Variants in MYO16 observed in about 807,000 individuals in gnomAD.
MYO16 encodes unconventional myosin-XVI.
A neutral mutation model predicts 205.3 loss-of-function variants in MYO16; 94 were observed. The ratio of observed to expected loss-of-function variants is 0.46; its 90% CI spans 0.39 to 0.54. The LOEUF (loss-of-function observed/expected upper bound fraction) is 0.54, where lower values mean the gene tolerates loss of function less well. MYO16 is among the 20% of genes least tolerant of loss of function. The pLI is 0.00. For missense variants in MYO16, 2,315 were observed against 2,387.5 expected (o/e 0.97, Z 0.63); for synonymous variants, 988 against 954.0 (o/e 1.04, Z -0.66).
intron 32 of MYO16, among the ~76,000 whole-genome samples, chr13:109,164,262 G>A (rs1174191501): frequency 2.0e-5 from 3 of 152,208 alleles, no homozygotes; most frequent in Non-Finnish European, 4.4e-5. Flanking sequence ...AGCATTTGCT[G>A]TGTTTCACTT....
At chr13:109,052,211 A>T in intron 24 of MYO16, 89 bp from the exon 25 acceptor site, 2 of 1,114,880 alleles carry the variant, frequency 1.8e-6, no homozygotes, top group Non-Finnish European at 2.7e-6. Context: ...AGAATGTATC[A>T]GTGGCTAGAG....
At chr13:108,947,578 G>A (rs1201267523) in intron 16 of MYO16, among the ~76,000 whole-genome samples, 1 of 152,182 alleles carries the variant, frequency 6.6e-6, no homozygotes, top group African/African-American at 2.4e-5. Context: ...GTTTCTGGCT[G>A]TGTTTATGCT....
At chr13:108,992,489 C>A in intron 21 of MYO16, 41 bp downstream of exon 21, 1 of 1,253,950 alleles carries the variant, frequency 8.0e-7, no homozygotes, top group Non-Finnish European at 1.2e-6. Context: ...ACTTGAATGG[C>A]TTTTGAAACT....
At chr13:108,874,686 T>A (rs1879234681) in intron 12 of MYO16, among the ~76,000 whole-genome samples, 1 of 49,072 alleles carries the variant, frequency 2.0e-5, no homozygotes, top group South Asian at 6.2e-4. Flanking sequence ...GCAGACAGTT[T>A]CATCATCATC....
chr13:108,751,479 C>A (rs570255706), intron 4 of MYO16, among the ~76,000 whole-genome samples: 4 of 152,196 alleles, frequency 2.6e-5, no homozygotes, highest in African/African-American at 9.6e-5. Context: ...ATACACAAAT[C>A]AACTGTGCTG....
intron 27 of MYO16, among the ~76,000 whole-genome samples, chr13:109,083,107 G>A (rs1336157148): frequency 6.6e-6 from 1 of 152,032 alleles, no homozygotes. Flanking sequence ...TGCAGATCGG[G>A]CGAGGTAGCT....
rs56307546 is a variant in MYO16 at position 109,052,534 on chromosome 13, C to CT, written c.3048+68dup. ...TTAATTTTGATAAGTATATTTGCTT[C>CT]TTTTTTTTTAAAAAAAAGCACAATT... On this transcript the variant is annotated intron_variant, in intron 25 of 34. Coordinates refer to ENST00000457511, the MANE Select transcript of MYO16 (RefSeq NM_001198950.3). The CT allele has an allele frequency of 3.0e-3, 3,855 of 1,273,744 alleles. 49 individuals carry two copies. The African/African-American group carries it at 0.04, about 13-fold the overall frequency. The allele number at this position is 1,273,744 out of a possible 1,614,324, so 78.9% of individuals were successfully genotyped here. A position where few individuals can be genotyped will look rare whatever the true frequency, so the allele number is the denominator to read the frequency against.
chr13:108,808,042 A>G (rs1291830091), intron 7 of MYO16, among the ~76,000 whole-genome samples: 2 of 152,122 alleles, frequency 1.3e-5, no homozygotes, highest in African/African-American at 2.4e-5. Flanking sequence ...AGGAGAATCT[A>G]GATATTTATT....
intron 16 of MYO16, among the ~76,000 whole-genome samples, chr13:108,955,268 C>A (rs918235223): frequency 4.6e-5 from 7 of 152,282 alleles, no homozygotes; most frequent in Non-Finnish European, 5.9e-5. Flanking sequence ...TCATCCATGT[C>A]CCCCTCTTCA....
At chr13:109,094,431 A>G (rs1441001974) in intron 27 of MYO16, among the ~76,000 whole-genome samples, 2 of 152,098 alleles carry the variant, frequency 1.3e-5, no homozygotes, top group African/African-American at 4.8e-5. Flanking sequence ...GATTGGTCTC[A>G]TACTCTTGGC....
intron 15 of MYO16, among the ~76,000 whole-genome samples, chr13:108,907,896 T>C (rs1881067248): frequency 6.6e-6 from 1 of 152,166 alleles, no homozygotes; most frequent in Non-Finnish European, 1.5e-5. Flanking sequence ...CTATTCATTC[T>C]CCCTTCTCAT....
intron 7 of MYO16, among the ~76,000 whole-genome samples, chr13:108,814,915 C>T (rs2139002478): frequency 6.6e-6 from 1 of 152,202 alleles, no homozygotes; most frequent in African/African-American, 2.4e-5. Context: ...AAACCATTGT[C>T]ATTCTAACAA....
At chr13:109,152,426 C>T (rs9555561) in intron 32 of MYO16, among the ~76,000 whole-genome samples, 36,620 of 152,046 alleles carry the variant, frequency 0.24, 5,194 homozygotes, top group East Asian at 0.45. Flanking sequence ...TAATCGTGAA[C>T]ATTAATTTCA....
intron 19 of MYO16, 82 bp from the exon 20 acceptor site, chr13:108,964,679 T>C: frequency 7.1e-7 from 1 of 1,412,378 alleles, no homozygotes; most frequent in Non-Finnish European, 9.7e-7. Context: ...TGTGGGGAAT[T>C]AATAGGATAT....
chr13:109,117,472 G>C (rs9559501), intron 28 of MYO16, among the ~76,000 whole-genome samples: 1 of 147,142 alleles, frequency 6.8e-6, no homozygotes, highest in Non-Finnish European at 1.5e-5. Flanking sequence ...GTGTATATAT[G>C]TATGTATATG....
intron 23 of MYO16, among the ~76,000 whole-genome samples, chr13:109,035,060 G>A (rs1021050733): frequency 6.6e-6 from 1 of 152,056 alleles, no homozygotes; most frequent in Non-Finnish European, 1.5e-5. Context: ...TTAACCCTTG[G>A]TCTATTGTTC....
intron 9 of MYO16, among the ~76,000 whole-genome samples, chr13:108,837,628 A>C (rs1876998728): frequency 6.6e-6 from 1 of 152,214 alleles, no homozygotes. Flanking sequence ...CAAAGGGCTT[A>C]AAGGTTCAGG....
chr13:109,054,272 G>GA (rs35431107), intron 25 of MYO16: 14,012 of 357,846 alleles, frequency 0.039, 315 homozygotes, highest in South Asian at 0.053. Flanking sequence ...TTGCTTATTT[G>GA]AAAAAAAATA....
rs150846540 is a variant in MYO16 at position 108,677,613 on chromosome 13, T to G, written c.292+11464T>G. 8.0e-4 allele frequency among the ~76,000 whole-genome samples: 121 copies of G among 152,144 alleles called. 1 individual carries two copies. The East Asian group carries it at 0.02, about 26-fold the overall frequency. ...AATGAATAATGGGTTCTGCTCTTTA[T>G]AATTAAAAAATTGTCTCCTGATTTT... On this transcript the variant is annotated intron_variant, in intron 2 of 34. Transcript: ENST00000457511.
Sources: gnomAD v4.1 joint callset for allele counts (sites outside exome capture counted in the v4.1 genomes callset) on GRCh38, gnomAD v4.1.1 for gene constraint, MANE v1.5 for transcripts, NCBI Gene and HGNC (gene_info 2026-07-23, HGNC 2026-07-21) for gene names.